Variants in SCN1A observed in about 807,000 individuals in gnomAD.
SCN1A encodes sodium voltage-gated channel alpha subunit 1, also known as sodium channel protein type 1 subunit alpha.
Under a neutral mutation model 193.7 loss-of-function variants are expected in SCN1A, and 13 were observed. The ratio of observed to expected loss-of-function variants is 0.07; its 90% CI spans 0.04 to 0.11. SCN1A has a LOEUF of 0.11. Ranked by LOEUF, SCN1A falls within the 10% of genes least tolerant of loss-of-function variation. The probability of loss-of-function intolerance (pLI) is 1.00; values close to 1 mark genes in which losing one functional copy is unlikely to be tolerated. For synonymous variants in SCN1A, 781 were observed against 843.6 expected, an observed-to-expected ratio of 0.93 and a Z score of 1.29; for missense variants, 1,432 against 2,451.1, an observed-to-expected ratio of 0.58 and a Z score of 8.78.
intron 19 of SCN1A, among the ~76,000 whole-genome samples, chr2:166,035,405 C>T (rs781427534): frequency 5.9e-5 from 9 of 151,908 alleles, no homozygotes; most frequent in South Asian, 2.1e-4. Flanking sequence ...CAGTCATTTC[C>T]GAGTTAAATC....
intron 26 of SCN1A, among the ~76,000 whole-genome samples, chr2:165,997,006 CAG>C (rs1178599801): frequency 1.3e-5 from 2 of 151,206 alleles, no homozygotes; most frequent in Non-Finnish European, 1.5e-5. Context: ...TATTCAAAAA[CAG>C]AATGTTTGGT....
chr2:166,054,688 A>G lies in SCN1A; in HGVS notation c.552T>C (p.Thr184=), dbSNP rs1418910290. The part of the protein sequence containing the change: ...IARGFCLEDF[T]FLRDPWNWLD... ...GCCAGTTCCATGGATCCCGAAGGAA[A>G]GTAAAATCTTCTAAACAGAATCCCC... Residue 184 remains threonine (T), a synonymous_variant, in exon 7 of 29, where the codon ACT becomes ACC. Transcript: ENST00000674923. 8 of 1,612,416 alleles carry G rather than the reference A, an allele frequency of 5.0e-6. No homozygotes were observed. The highest frequency in any genetic ancestry group is 5.9e-6 in the Non-Finnish European group (7 of 1,178,914).
chr2:166,059,948 C>T (rs1474809799), intron 4 of SCN1A, among the ~76,000 whole-genome samples: 1 of 151,744 alleles, frequency 6.6e-6, no homozygotes, highest in Non-Finnish European at 1.5e-5. Context: ...AAGTATGGTC[C>T]CCCAACCAGT....
At chr2:166,112,884 A>C (rs1306630199) in intron 2 of SCN1A, among the ~76,000 whole-genome samples, 1 of 152,212 alleles carries the variant, frequency 6.6e-6, no homozygotes, top group Non-Finnish European at 1.5e-5. Flanking sequence ...TGAGACCTCC[A>C]TAAAAACTCT....
In SCN1A at chr2:166,012,154, T is replaced by G; in HGVS notation, c.3834A>C (p.Thr1278=). Residue 1278 remains threonine (T), a synonymous_variant, in exon 22 of 29, where the codon ACA becomes ACC. Coordinates refer to ENST00000674923, the MANE Select transcript of SCN1A (RefSeq NM_001165963.4). ...GCCAACACCAGGCATTGGTGAAATA[T>G]GTTTGATAGCCATATGCCACCCATT... ...LLKWVAYGYQ[T]YFTNAWCWLD... 2.5e-6 allele frequency: 4 copies of G among 1,610,456 alleles called. No individual in the cohort carries two copies. The highest frequency in any genetic ancestry group is 3.4e-6 in the Non-Finnish European group (4 of 1,177,412).
At chr2:166,123,877 C>A (rs979264641) in intron 2 of SCN1A, among the ~76,000 whole-genome samples, 3 of 152,120 alleles carry the variant, frequency 2.0e-5, no homozygotes, top group African/African-American at 7.2e-5. Context: ...CTGTTCGTTT[C>A]TTTTACTTTC....
intron 2 of SCN1A, among the ~76,000 whole-genome samples, chr2:166,097,285 GTTTTC>G (rs929961621): frequency 6.6e-6 from 1 of 151,770 alleles, no homozygotes. Flanking sequence ...GCCTTCCAAT[GTTTTC>G]TTTTTTAACA....
At chr2:166,120,606 T>A (rs1416540711) in intron 2 of SCN1A, among the ~76,000 whole-genome samples, 5 of 81,846 alleles carry the variant, frequency 6.1e-5, no homozygotes, top group South Asian at 4.2e-4. Context: ...CTTTTTTTTT[T>A]TTTTTTTTTT....
At chr2:166,085,632 G>C (rs1038311909) in intron 2 of SCN1A, among the ~76,000 whole-genome samples, 18 of 152,096 alleles carry the variant, frequency 1.2e-4, no homozygotes, top group African/African-American at 4.1e-4. Flanking sequence ...TCCAGGAACG[G>C]GGAGAGGAGA....
intron 19 of SCN1A, among the ~76,000 whole-genome samples, chr2:166,033,433 C>T (rs6432858): frequency 0.74 from 112,028 of 151,844 alleles, 41,709 homozygotes; most frequent in East Asian, 0.89. Context: ...TTTCATTGGC[C>T]GGGTGCAGTA....
At chr2:166,103,398 C>G (rs565174587) in intron 2 of SCN1A, among the ~76,000 whole-genome samples, 166 of 151,810 alleles carry the variant, frequency 1.1e-3, no homozygotes, top group African/African-American at 4.0e-3. Flanking sequence ...TTGCAGTGAG[C>G]CGAGTTCGCA....
intron 2 of SCN1A, among the ~76,000 whole-genome samples, chr2:166,087,652 C>A (rs151034433): frequency 0.025 from 3,726 of 151,978 alleles, 69 homozygotes; most frequent in South Asian, 0.074. Flanking sequence ...GTCAAGTAAA[C>A]CTCTTTTTAA....
intron 23 of SCN1A, among the ~76,000 whole-genome samples, chr2:166,004,968 G>A (rs567652): frequency 0.26 from 39,721 of 151,160 alleles, 5,575 homozygotes; most frequent in Middle Eastern, 0.48. Flanking sequence ...TCAGTATTGC[G>A]TTCTCATTTG....
chr2:166,125,349 T>G (rs1691118844), intron 2 of SCN1A, among the ~76,000 whole-genome samples: 1 of 152,122 alleles, frequency 6.6e-6, no homozygotes, highest in Admixed American at 6.5e-5. Flanking sequence ...GAGAAAATAG[T>G]AGGTTCAGCC....
intron 26 of SCN1A, among the ~76,000 whole-genome samples, chr2:165,997,032 C>A (rs998355610): frequency 6.6e-6 from 1 of 151,218 alleles, no homozygotes; most frequent in East Asian, 1.9e-4. Context: ...AGTGAGGGAA[C>A]GGTGGCATGG....
intron 18 of SCN1A, among the ~76,000 whole-genome samples, chr2:166,037,070 C>T (rs142818146): frequency 2.0e-5 from 3 of 152,088 alleles, no homozygotes; most frequent in Non-Finnish European, 4.4e-5. Flanking sequence ...TGAATAATCT[C>T]TCATATTTCC....
chr2:166,045,092 A>G lies in SCN1A; in HGVS notation c.1613T>C (p.Ile538Thr), dbSNP rs903052740. Reference protein sequence around the residue: ...SIRRKGFRFSIEGNRLTYEKR... With the variant: ...SIRRKGFRFSTEGNRLTYEKR... ...TTCATATGTCAATCGGTTCCCTTCAATGGAGAAGCGAAAACCTTTCCTCCT... is the reference window on the plus strand; with the variant it reads ...TTCATATGTCAATCGGTTCCCTTCAGTGGAGAAGCGAAAACCTTTCCTCCT... Residue 538 changes from isoleucine to threonine, a missense_variant, in exon 13 of 29, where the codon ATT (isoleucine) becomes ACT (threonine). By Grantham distance (89) the Ile-to-Thr change is moderately conservative. Transcript: ENST00000674923. The G allele has an allele frequency of 1.2e-6, 2 of 1,614,156 alleles. No individual in the cohort carries two copies. The highest frequency in any genetic ancestry group is 4.5e-5 in the East Asian group (2 of 44,876).
At chr2:166,058,287 T>G (rs1161376882) in intron 5 of SCN1A, among the ~76,000 whole-genome samples, 2 of 152,078 alleles carry the variant, frequency 1.3e-5, no homozygotes, top group Non-Finnish European at 2.9e-5. Context: ...GTTATCTTAC[T>G]TTAGATTTGT....
chr2:166,086,545 G>T (rs540612394), intron 2 of SCN1A, among the ~76,000 whole-genome samples: 3 of 152,130 alleles, frequency 2.0e-5, no homozygotes, highest in African/African-American at 7.2e-5. Flanking sequence ...TTTGGCCACC[G>T]TGCTTAGCAT....
Sources: gnomAD v4.1 joint callset for allele counts (sites outside exome capture counted in the v4.1 genomes callset) on GRCh38, gnomAD v4.1.1 for gene constraint, MANE v1.5 for transcripts, NCBI Gene and HGNC (gene_info 2026-07-23, HGNC 2026-07-21) for gene names.